Variants in GMDS observed in about 807,000 individuals in gnomAD.
GMDS encodes the protein GDP-mannose 4,6 dehydratase.
GMDS carries 20 observed loss-of-function variants against 49.9 expected under a neutral mutation model. That is an observed-to-expected ratio of 0.40 (90% CI 0.28 to 0.58). GMDS has a LOEUF of 0.58. Ranked by LOEUF, GMDS falls within the 20% of genes least tolerant of loss-of-function variation. GMDS has a pLI of 0.42. For missense variants in GMDS, 362 were observed against 481.4 expected, an observed-to-expected ratio of 0.75 and a Z score of 2.32; for synonymous variants, 177 against 178.6, an observed-to-expected ratio of 0.99 and a Z score of 0.07.
At chr6:1,713,097 GA>G (rs1766030794) in intron 9 of GMDS, among the ~76,000 whole-genome samples, 1 of 152,244 alleles carries the variant, frequency 6.6e-6, no homozygotes. Flanking sequence ...TGACAAGTCA[GA>G]AATGTGGTAG....
chr6:1,950,821 C>G (rs1763301351), intron 6 of GMDS, among the ~76,000 whole-genome samples: 1 of 152,112 alleles, frequency 6.6e-6, no homozygotes, highest in Non-Finnish European at 1.5e-5. Flanking sequence ...AGTTTCTTAT[C>G]CTCACCACCA....
At chr6:1,800,249 G>A (rs1022717888) in intron 7 of GMDS, among the ~76,000 whole-genome samples, 1 of 152,202 alleles carries the variant, frequency 6.6e-6, no homozygotes, top group Non-Finnish European at 1.5e-5. Context: ...CCGATTCTGA[G>A]AACTCTGGTT....
At chr6:1,788,302 C>T (rs1769399430) in intron 7 of GMDS, among the ~76,000 whole-genome samples, 1 of 152,194 alleles carries the variant, frequency 6.6e-6, no homozygotes, top group Non-Finnish European at 1.5e-5. Context: ...CTTACGCGTA[C>T]TGTGTACTCC....
At chr6:1,814,973 A>G (rs1770595946) in intron 7 of GMDS, among the ~76,000 whole-genome samples, 1 of 152,262 alleles carries the variant, frequency 6.6e-6, no homozygotes, top group African/African-American at 2.4e-5. Context: ...AAAACAAAAT[A>G]GGTCACATTT....
At chr6:2,056,327 CAA>C (rs1297652594) in intron 4 of GMDS, among the ~76,000 whole-genome samples, 1 of 152,142 alleles carries the variant, frequency 6.6e-6, no homozygotes, top group Non-Finnish European at 1.5e-5. Flanking sequence ...AGGCAGGATT[CAA>C]AGACAGGCAA....
chr6:1,715,453 C>T (rs1766140511), intron 9 of GMDS, among the ~76,000 whole-genome samples: 2 of 152,160 alleles, frequency 1.3e-5, no homozygotes, highest in South Asian at 4.1e-4. Flanking sequence ...TCTTCAAGGC[C>T]CTCCGATGTC....
chr6:1,697,479 A>C (rs1445051823), intron 9 of GMDS, among the ~76,000 whole-genome samples: 1 of 152,224 alleles, frequency 6.6e-6, no homozygotes, highest in Non-Finnish European at 1.5e-5. Flanking sequence ...CAAAATTAAA[A>C]AGCTAGAAAC....
At chr6:2,104,462 C>T (rs1329956557) in intron 4 of GMDS, among the ~76,000 whole-genome samples, 1 of 152,202 alleles carries the variant, frequency 6.6e-6, no homozygotes, top group Non-Finnish European at 1.5e-5. Context: ...CTTCCTTTGT[C>T]TAATTCTTTG....
chr6:2,041,951 T>C (rs1205170416), intron 4 of GMDS, among the ~76,000 whole-genome samples: 1 of 152,176 alleles, frequency 6.6e-6, no homozygotes, highest in Non-Finnish European at 1.5e-5. Context: ...CACATGCCTA[T>C]GCACATGGAC....
intron 4 of GMDS, among the ~76,000 whole-genome samples, chr6:2,080,812 A>C (rs917678581): frequency 5.3e-5 from 8 of 152,184 alleles, no homozygotes; most frequent in African/African-American, 1.9e-4. Context: ...GCGAAGATTA[A>C]TTCTGGTGTC....
chr6:1,801,025 C>T (rs974938257), intron 7 of GMDS, among the ~76,000 whole-genome samples: 1 of 152,166 alleles, frequency 6.6e-6, no homozygotes, highest in South Asian at 2.1e-4. Context: ...CAGGCAGCTG[C>T]CACTTCATCC....
intron 4 of GMDS, among the ~76,000 whole-genome samples, chr6:2,111,845 TTAAC>T (rs1774562394): frequency 6.6e-6 from 1 of 152,158 alleles, no homozygotes; most frequent in Non-Finnish European, 1.5e-5. Flanking sequence ...TATAGAGAAA[TTAAC>T]TATAAGAAAC....
At chr6:2,066,063 C>A (rs999731044) in intron 4 of GMDS, among the ~76,000 whole-genome samples, 1 of 151,928 alleles carries the variant, frequency 6.6e-6, no homozygotes, top group African/African-American at 2.4e-5. Flanking sequence ...TCAGACTAAG[C>A]GGATCTCTCG....
intron 4 of GMDS, among the ~76,000 whole-genome samples, chr6:1,994,514 G>A (rs1475336748): frequency 2.0e-5 from 3 of 152,146 alleles, no homozygotes; most frequent in African/African-American, 7.2e-5. Context: ...GCCAGGCACT[G>A]TGCTGAGTTT....
chr6:1,857,152 C>CA (rs1757974746), intron 7 of GMDS, among the ~76,000 whole-genome samples: 2 of 152,312 alleles, frequency 1.3e-5, no homozygotes, highest in South Asian at 4.2e-4. Context: ...ACTCCACTAC[C>CA]AAGTTATAAA....
At chr6:1,825,707 T>A (rs1200516092) in intron 7 of GMDS, among the ~76,000 whole-genome samples, 1 of 152,188 alleles carries the variant, frequency 6.6e-6, no homozygotes, top group Non-Finnish European at 1.5e-5. Flanking sequence ...CAGTAAAATA[T>A]AGCATAAAAG....
At chr6:2,125,908 TTC>T (rs934607094) in intron 1 of GMDS, among the ~76,000 whole-genome samples, 2 of 152,346 alleles carry the variant, frequency 1.3e-5, no homozygotes, top group African/African-American at 4.8e-5. Context: ...AAAGAAGATA[TTC>T]TCTTTTTTTA....
intron 4 of GMDS, among the ~76,000 whole-genome samples, chr6:2,082,044 C>T (rs1156963227): frequency 6.6e-6 from 1 of 152,198 alleles, no homozygotes; most frequent in Non-Finnish European, 1.5e-5. Context: ...ATTGTTCTTA[C>T]ATGATGGAAC....
chr6:2,087,356 T>C (rs1321428333), intron 4 of GMDS, among the ~76,000 whole-genome samples: 1 of 152,254 alleles, frequency 6.6e-6, no homozygotes, highest in Admixed American at 6.5e-5. Context: ...GTAGATTTAT[T>C]TACTTAAGTT....
Sources: allele counts gnomAD v4.1 joint callset (sites outside exome capture counted in the v4.1 genomes callset), GRCh38; gene constraint gnomAD v4.1.1; transcripts MANE v1.5; gene names NCBI Gene and HGNC (gene_info 2026-07-23, HGNC 2026-07-21).